KCNQ3: variants seen among roughly 807,000 people sequenced by gnomAD.
The protein encoded by KCNQ3 is potassium voltage-gated channel subfamily Q member 3.
In KCNQ3, 30 loss-of-function variants were observed where a neutral mutation model predicts 92.5. That is an observed-to-expected ratio of 0.32 (90% CI 0.24 to 0.44). The LOEUF is 0.44. Ranked by LOEUF, KCNQ3 falls within the 20% of genes least tolerant of loss-of-function variation. The pLI is 1.00. For synonymous variants in KCNQ3, 450 were observed against 468.8 expected (o/e 0.96, Z 0.52); for missense variants, 913 against 1,140.3 (o/e 0.80, Z 2.87).
intron 1 of KCNQ3, among the ~76,000 whole-genome samples, chr8:132,319,763 C>G (rs564337439): frequency 6.6e-6 from 1 of 152,214 alleles, no homozygotes; most frequent in African/African-American, 2.4e-5. Context: ...AATGGGCTTT[C>G]CATCGCTCTA....
At chr8:132,207,113 A>G (rs1419959214) in intron 1 of KCNQ3, among the ~76,000 whole-genome samples, 1 of 152,212 alleles carries the variant, frequency 6.6e-6, no homozygotes, top group Non-Finnish European at 1.5e-5. Flanking sequence ...AAATAATACT[A>G]TGAGAAATAC....
intron 1 of KCNQ3, among the ~76,000 whole-genome samples, chr8:132,335,126 C>T (rs1439458545): frequency 1.3e-5 from 2 of 151,850 alleles, no homozygotes; most frequent in African/African-American, 4.8e-5. Context: ...CTGCAACCTC[C>T]ACCTCCCGGG....
chr8:132,421,097 T>C (rs1182515990), intron 1 of KCNQ3, among the ~76,000 whole-genome samples: 4 of 152,226 alleles, frequency 2.6e-5, no homozygotes, highest in African/African-American at 4.8e-5. Context: ...ACAGTCAACC[T>C]GCAAACATTA....
At chr8:132,368,487 A>G (rs867597507) in intron 1 of KCNQ3, among the ~76,000 whole-genome samples, 25 of 152,042 alleles carry the variant, frequency 1.6e-4, no homozygotes, top group African/African-American at 6.0e-4. Context: ...ACCCTGTCTC[A>G]ACAAAAATAA....
chr8:132,430,653 A>G (rs567901721), intron 1 of KCNQ3, among the ~76,000 whole-genome samples: 1 of 152,324 alleles, frequency 6.6e-6, no homozygotes, highest in Admixed American at 6.5e-5. Context: ...CAGTGAGGAA[A>G]CCGGTCATCA....
chr8:132,232,150 C>T (rs1345236106), intron 1 of KCNQ3, among the ~76,000 whole-genome samples: 1 of 152,228 alleles, frequency 6.6e-6, no homozygotes, highest in African/African-American at 2.4e-5. Context: ...AGCATCTACT[C>T]TTGCTCTTGT....
chr8:132,164,307 T>A (rs1018660689), intron 8 of KCNQ3, among the ~76,000 whole-genome samples: 11 of 149,098 alleles, frequency 7.4e-5, no homozygotes, highest in Non-Finnish European at 1.5e-4. Flanking sequence ...CATTATTACG[T>A]GGATCACATT....
chr8:132,369,364 T>A (rs1252857999), intron 1 of KCNQ3, among the ~76,000 whole-genome samples: 2 of 152,162 alleles, frequency 1.3e-5, no homozygotes, highest in Non-Finnish European at 2.9e-5. Flanking sequence ...TGAGAGGGAG[T>A]TTCTCCATAA....
intron 1 of KCNQ3, among the ~76,000 whole-genome samples, chr8:132,394,667 T>C (rs763981062): frequency 6.6e-6 from 1 of 152,038 alleles, no homozygotes; most frequent in African/African-American, 2.4e-5. Flanking sequence ...ATGATGACAA[T>C]GGTGTGATGG....
intron 1 of KCNQ3, among the ~76,000 whole-genome samples, chr8:132,204,146 C>A (rs182583728): frequency 6.6e-6 from 1 of 152,266 alleles, no homozygotes; most frequent in East Asian, 1.9e-4. Context: ...ACTGATGAAA[C>A]GGAAGTAGGT....
At chr8:132,208,078 A>G (rs954988743) in intron 1 of KCNQ3, among the ~76,000 whole-genome samples, 2 of 152,038 alleles carry the variant, frequency 1.3e-5, no homozygotes, top group Non-Finnish European at 2.9e-5. Context: ...TCATCTCTAA[A>G]TGCTCCTGGA....
chr8:132,416,985 G>A (rs981137038), intron 1 of KCNQ3, among the ~76,000 whole-genome samples: 2 of 152,174 alleles, frequency 1.3e-5, no homozygotes, highest in African/African-American at 4.8e-5. Context: ...AAGGGTGGAG[G>A]AGCTAACAGT....
chr8:132,339,962 A>G (rs1180358048), intron 1 of KCNQ3, among the ~76,000 whole-genome samples: 1 of 152,124 alleles, frequency 6.6e-6, no homozygotes, highest in Non-Finnish European at 1.5e-5. Flanking sequence ...CAAACATAAA[A>G]AAAAAAAAAG....
At chr8:132,450,642 G>C (rs1192084134) in intron 1 of KCNQ3, among the ~76,000 whole-genome samples, 1 of 152,206 alleles carries the variant, frequency 6.6e-6, no homozygotes, top group Non-Finnish European at 1.5e-5. Context: ...AAGGGCTACA[G>C]GGCACTGAGG....
intron 4 of KCNQ3, among the ~76,000 whole-genome samples, chr8:132,177,232 C>A (rs1239914034): frequency 6.6e-6 from 1 of 152,186 alleles, no homozygotes; most frequent in African/African-American, 2.4e-5. Context: ...ATAACAGTCA[C>A]CATTAAGGAG....
At chr8:132,154,193 GTTTT>G (rs869112851) in intron 9 of KCNQ3, among the ~76,000 whole-genome samples, 118 of 27,472 alleles carry the variant, frequency 4.3e-3, no homozygotes, top group Admixed American at 0.014. Flanking sequence ...AAGGGTAAAA[GTTTT>G]TTTTTTTTTT....
intron 2 of KCNQ3, among the ~76,000 whole-genome samples, chr8:132,184,858 T>G (rs1053578230): frequency 6.6e-6 from 1 of 152,212 alleles, no homozygotes; most frequent in African/African-American, 2.4e-5. Context: ...TATTCTCATC[T>G]TACATTTTGA....
At chr8:132,210,215 C>CATGTGCAGTCAGGGTTAAA (rs1813807113) in intron 1 of KCNQ3, among the ~76,000 whole-genome samples, 1 of 152,168 alleles carries the variant, frequency 6.6e-6, no homozygotes, top group Non-Finnish European at 1.5e-5. Flanking sequence ...ATGTGATAGT[C>CATGTGCAGTCAGGGTTAAA]ATGTGCAGTC....
Position 132,132,224 on chromosome 8 carries a change from C to T in KCNQ3, c.1840G>A (p.Glu614Lys), listed in dbSNP as rs756796196. 4.3e-6 allele frequency: 7 copies of T among 1,613,738 alleles called. No individual in the cohort carries two copies. The highest frequency in any genetic ancestry group is 1.1e-5 in the South Asian group (1 of 91,078). ...AACTTCCCCATCATGCTTTGGTCTT[C>T]GATTTCTGATGTGGATGGTCTGGCT... ...YVARPSTSEIEDQSMMGKFVK... is the reference protein window; with the variant it reads ...YVARPSTSEIKDQSMMGKFVK... Residue 614 changes from glutamate (E) to lysine (K), a missense_variant, in exon 14 of 15, where the codon GAA (glutamate) becomes AAA (lysine). Glu to Lys is a moderately conservative substitution (Grantham distance 56, BLOSUM62 1). Around this residue, in one of 6 missense-constraint regions of KCNQ3, gnomAD observed 375 missense variants for 376.4 expected, o/e 1.00. Coordinates refer to ENST00000388996, the MANE Select transcript of KCNQ3 (RefSeq NM_004519.4).
Sources: allele counts gnomAD v4.1 joint callset (sites outside exome capture counted in the v4.1 genomes callset), GRCh38; gene constraint gnomAD v4.1.1; regional missense constraint gnomAD v4.1.1; transcripts MANE v1.5; gene names NCBI Gene and HGNC (gene_info 2026-07-23, HGNC 2026-07-21).